Variants in ACP6 observed in about 807,000 individuals in gnomAD.
The protein encoded by ACP6 is lysophosphatidic acid phosphatase type 6.
Under a neutral mutation model 48.1 loss-of-function variants are expected in ACP6, and 48 were observed. The observed-to-expected ratio is 1.00, with a 90% CI of 0.79 to 1.27. The LOEUF (loss-of-function observed/expected upper bound fraction) is 1.27. ACP6 is among the 50% of genes most tolerant of loss of function. ACP6 has a pLI of 0.00. For synonymous variants in ACP6, 172 were observed against 204.2 expected (o/e 0.84, Z 1.34); for missense variants, 485 against 529.1 (o/e 0.92, Z 0.82).
chr1:147,655,161 C>T lies in ACP6; in HGVS notation c.647G>A (p.Arg216Lys), dbSNP rs782245916. The T allele has an allele frequency of 5.0e-6, 8 of 1,601,432 alleles. No individual in the cohort carries two copies. The highest frequency in any genetic ancestry group is 3.4e-5 in the Admixed American group (2 of 58,744). ...QSCWSLRQRT[R>K]GRRQTASLQP... is the part of the protein sequence containing the mutation. ...TGAGCAAGAACCCAGGGGCAGTTAC[C>T]TGGTTCTCTGCCTCAGGCTCCAGCA... The change falls in exon 5 of 10, where the codon AGA becomes AAA. Residue 216 changes from arginine to lysine, a missense_variant and splice_region_variant. Transcript: ENST00000583509.
chr1:147,655,330 C>T (rs587645994), intron 4 of ACP6, 82 bp from the exon 5 acceptor site: 2 of 1,046,158 alleles, frequency 1.9e-6, no homozygotes, highest in South Asian at 2.7e-5. Flanking sequence ...TCTTTGTCTA[C>T]AGAGATGGAG....
At position 147,644,626 on chromosome 1, in the gene ACP6, A is replaced by G. The variant is rs1659556750; in HGVS notation, c.*2797T>C. On this transcript the variant is annotated 3_prime_UTR_variant, in exon 10 of 10. Coordinates refer to ENST00000583509, the MANE Select transcript of ACP6 (RefSeq NM_016361.5). ...CAATGGAAGTATTGGGACATGGTCAATTCTGGATATAGTTTGAAGAGAGAT... is the reference window on the plus strand; with the variant it reads ...CAATGGAAGTATTGGGACATGGTCAGTTCTGGATATAGTTTGAAGAGAGAT... 1 of 152,258 alleles carries G rather than the reference A, an allele frequency of 6.6e-6. No individual in the cohort carries two copies. Among genetic ancestry groups the G allele is most frequent in the South Asian group, 2.1e-4 (1 of 4,836 alleles). 9.4% of individuals were successfully genotyped at this position (152,258 alleles called of 1,614,324 possible).
intron 1 of ACP6, 138 bp downstream of exon 1, chr1:147,669,692 T>C: frequency 1.2e-6 from 1 of 863,408 alleles, no homozygotes; most frequent in South Asian, 1.9e-5. Context: ...CACTGGCTAC[T>C]GCTGTTTTCC....
At chr1:147,649,796 A>G (rs1659822918) in intron 8 of ACP6, 1 of 300,412 alleles carries the variant, frequency 3.3e-6, no homozygotes, top group South Asian at 3.7e-5. Flanking sequence ...ACACTCAATG[A>G]AAGTGGTTCA....
intron 5 of ACP6, among the ~76,000 whole-genome samples, chr1:147,636,951 G>C (rs1659318290): frequency 6.6e-6 from 1 of 152,214 alleles, no homozygotes; most frequent in Admixed American, 6.5e-5. Flanking sequence ...TCCATGATGG[G>C]ATGGTGGTGG....
intron 7 of ACP6, chr1:147,650,751 G>A (rs1659877851): frequency 6.6e-6 from 1 of 152,300 alleles, no homozygotes; most frequent in African/African-American, 2.4e-5. Flanking sequence ...GAAGTTCAGT[G>A]GTCGTGCTCC....
At chr1:147,654,831 C>T (rs1250749956) in intron 5 of ACP6, among the ~76,000 whole-genome samples, 2 of 152,148 alleles carry the variant, frequency 1.3e-5, no homozygotes, top group African/African-American at 4.8e-5. Context: ...TGTTGGTTTT[C>T]TCATTTGCCC....
intron 5 of ACP6, among the ~76,000 whole-genome samples, chr1:147,654,898 C>T (rs1230579902): frequency 6.6e-6 from 1 of 152,234 alleles, no homozygotes; most frequent in East Asian, 1.9e-4. Flanking sequence ...CAAAGGCCCA[C>T]TCGTGGCTGT....
At chr1:147,650,066 A>G in intron 8 of ACP6, 77 bp downstream of exon 8, 1 of 1,277,640 alleles carries the variant, frequency 7.8e-7, no homozygotes, top group Admixed American at 2.0e-5. Flanking sequence ...TGCCTCACTA[A>G]GATTTGGGTT....
chr1:147,652,346 G>T, intron 7 of ACP6, 103 bp downstream of exon 7: 2 of 1,177,638 alleles, frequency 1.7e-6, no homozygotes, highest in Non-Finnish European at 2.4e-6. Context: ...TACACGAGGA[G>T]ACATCAGCTG....
chr1:147,650,297 G>C (rs1659850930), intron 7 of ACP6, 59 bp from the exon 8 acceptor site: 1 of 1,264,746 alleles, frequency 7.9e-7, no homozygotes, highest in Admixed American at 2.4e-5. Flanking sequence ...AGGGGACACA[G>C]ACTGATTCTG....
chr1:147,631,943 G>A (rs1382662840), intron 5 of ACP6, among the ~76,000 whole-genome samples: 4 of 152,046 alleles, frequency 2.6e-5, no homozygotes, highest in South Asian at 2.1e-4. Flanking sequence ...AGGCCCCAGC[G>A]CCTCTCCAGT....
At chr1:147,659,600 C>T (rs1173794026) in intron 2 of ACP6, 47 bp downstream of exon 2, 2 of 1,613,620 alleles carry the variant, frequency 1.2e-6, no homozygotes, top group Non-Finnish European at 1.7e-6. Flanking sequence ...GAGAAAACAA[C>T]CCAACCTTTG....
rs782409857 is a variant in ACP6 at position 147,659,663 on chromosome 1, T to C, written c.332A>G (p.His111Arg). 2.5e-6 allele frequency: 4 copies of C among 1,614,158 alleles called. No homozygotes were observed. In the East Asian group the frequency reaches 6.7e-5, roughly 27 times the overall value. ...ATTGCTCACCTTCAGGGTGGTCTCA[T>C]GGTATTGAGAGTCGTAAGGAGAATA... Reference protein sequence around the residue: ...KPYSPYDSQYHETTLKGGMFA... With the variant: ...KPYSPYDSQYRETTLKGGMFA... Residue 111 changes from histidine to arginine, a missense_variant, in exon 2 of 10, where the codon CAT (histidine) becomes CGT (arginine). Coordinates refer to ENST00000583509, the MANE Select transcript of ACP6 (RefSeq NM_016361.5).
intron 6 of ACP6, 48 bp from the exon 7 acceptor site, chr1:147,652,597 G>C (rs782035048): frequency 1.2e-6 from 2 of 1,612,786 alleles, no homozygotes; most frequent in South Asian, 2.2e-5. Context: ...CTTACCTACT[G>C]ATTCTGGCAG....
chr1:147,641,323 C>G (rs935854832), downstream of ACP6, among the ~76,000 whole-genome samples: 1 of 152,144 alleles, frequency 6.6e-6, no homozygotes, highest in African/African-American at 2.4e-5. Context: ...GTTTCTGTCC[C>G]CTTGCTGCAG....
At chr1:147,637,004 G>T (rs1460519277) in intron 5 of ACP6, among the ~76,000 whole-genome samples, 1 of 152,164 alleles carries the variant, frequency 6.6e-6, no homozygotes. Context: ...GAGTCCCCAG[G>T]CCCAGCCAGC....
chr1:147,662,368 G>A (rs1365533322), intron 1 of ACP6, among the ~76,000 whole-genome samples: 1 of 152,144 alleles, frequency 6.6e-6, no homozygotes, highest in African/African-American at 2.4e-5. Context: ...TGATGAATCT[G>A]GGCAAAGTAA....
In ACP6 at chr1:147,659,764, G is replaced by T; in HGVS notation, c.231C>A (p.Asn77Lys). 1 of 1,613,820 alleles carries T rather than the reference G, an allele frequency of 6.2e-7. No homozygotes were observed. Among genetic ancestry groups the T allele is most frequent in the Non-Finnish European group, 8.5e-7 (1 of 1,180,006 alleles). Residue 77 changes from asparagine (N) to lysine (K), a missense_variant, in exon 2 of 10, where the codon AAC (asparagine) becomes AAA (lysine). Coordinates refer to ENST00000583509, the MANE Select transcript of ACP6 (RefSeq NM_016361.5). ...PLPLEEQVEWNPQLLEVPPQT... is the reference protein window; with the variant it reads ...PLPLEEQVEWKPQLLEVPPQT... ...GGGGTGGGACCTCTAATAGCTGGGG[G>T]TTCCACTCTACCTGTTAGTACAAAA...
Sources: allele counts gnomAD v4.1 joint callset (sites outside exome capture counted in the v4.1 genomes callset), GRCh38; gene constraint gnomAD v4.1.1; transcripts MANE v1.5; gene names NCBI Gene and HGNC (gene_info 2026-07-23, HGNC 2026-07-21).